PKNOX2: variants seen among roughly 807,000 people sequenced by gnomAD.
The protein encoded by PKNOX2 is homeobox protein PKNOX2.
A neutral mutation model predicts 53.1 loss-of-function variants in PKNOX2; 14 were observed. That is an observed-to-expected ratio of 0.26 (90% CI 0.17 to 0.41). The LOEUF is 0.41. Ranked by LOEUF, PKNOX2 falls within the 10% of genes least tolerant of loss-of-function variation. The pLI is 1.00. For synonymous variants in PKNOX2, 257 were observed against 242.8 expected (o/e 1.06, Z -0.54); for missense variants, 496 against 602.8 (o/e 0.82, Z 1.85).
At chr11:125,312,020 A>C (rs541091137) in intron 2 of PKNOX2, among the ~76,000 whole-genome samples, 2 of 152,178 alleles carry the variant, frequency 1.3e-5, no homozygotes, top group East Asian at 3.9e-4. Context: ...AAGAAAAAAA[A>C]GTCTGAATTT....
At chr11:125,302,297 A>T (rs958406354) in intron 2 of PKNOX2, among the ~76,000 whole-genome samples, 3 of 152,222 alleles carry the variant, frequency 2.0e-5, no homozygotes, top group African/African-American at 4.8e-5. Flanking sequence ...TGGAGAGGAC[A>T]GGAGCTTCCT....
intron 2 of PKNOX2, among the ~76,000 whole-genome samples, chr11:125,280,253 G>A (rs188444859): frequency 6.6e-5 from 10 of 152,074 alleles, no homozygotes; most frequent in Non-Finnish European, 1.2e-4. Context: ...TTTAAACTCC[G>A]GCTTTGATAT....
intron 2 of PKNOX2, among the ~76,000 whole-genome samples, chr11:125,298,344 A>G (rs1333759847): frequency 1.3e-5 from 2 of 152,178 alleles, no homozygotes; most frequent in Admixed American, 6.5e-5. Context: ...CCAGGGATAG[A>G]GGCCCACACA....
chr11:125,312,368 G>T (rs1292816423), intron 2 of PKNOX2, among the ~76,000 whole-genome samples: 1 of 152,176 alleles, frequency 6.6e-6, no homozygotes, highest in Non-Finnish European at 1.5e-5. Flanking sequence ...GAGTGTGGAG[G>T]CCACAGATCC....
intron 2 of PKNOX2, among the ~76,000 whole-genome samples, chr11:125,249,066 AAC>A (rs1174386698): frequency 9.1e-6 from 1 of 109,708 alleles, no homozygotes; most frequent in African/African-American, 3.4e-5. Context: ...TAATATATAT[AAC>A]ACATATATAC....
chr11:125,258,783 G>A (rs1843856848), intron 2 of PKNOX2: 1 of 266,906 alleles, frequency 3.7e-6, no homozygotes, highest in Non-Finnish European at 7.9e-6. Context: ...GAGGGTGGAT[G>A]ACTGGCAGGG....
intron 10 of PKNOX2, among the ~76,000 whole-genome samples, chr11:125,415,442 G>C (rs932820963): frequency 3.3e-5 from 5 of 151,878 alleles, no homozygotes; most frequent in Admixed American, 2.0e-4. Context: ...GTAGAGGTGG[G>C]GTTTTACCAT....
intron 1 of PKNOX2, among the ~76,000 whole-genome samples, chr11:125,183,903 T>C (rs1956304820): frequency 6.6e-6 from 1 of 152,170 alleles, no homozygotes. Flanking sequence ...AATGGGCTAT[T>C]ACTCTGAGCA....
At chr11:125,247,889 C>T (rs1232525455) in intron 2 of PKNOX2, among the ~76,000 whole-genome samples, 3 of 152,128 alleles carry the variant, frequency 2.0e-5, no homozygotes, top group Non-Finnish European at 2.9e-5. Context: ...TCCACATGGC[C>T]GAATTCTTCC....
intron 3 of PKNOX2, among the ~76,000 whole-genome samples, chr11:125,343,141 G>A (rs896050705): frequency 6.6e-6 from 1 of 152,138 alleles, no homozygotes; most frequent in African/African-American, 2.4e-5. Context: ...TAGGGGGAGG[G>A]GCTCCTGGAA....
In PKNOX2 at chr11:125,166,031, G is replaced by T. The variant is rs879885066; in HGVS notation, c.-201+1255G>T. Among the ~76,000 whole-genome samples, 1 of 152,130 alleles carries T rather than the reference G, an allele frequency of 6.6e-6. No homozygotes were observed. ...TGGGAATTGAGGGGTAGGGGCTTGT[G>T]GATCGGCCTGAATTAGGGCTGGGTT... is the stretch of plus-strand genomic sequence containing the variant. On this transcript the variant is annotated intron_variant, in intron 1 of 12. Coordinates refer to ENST00000298282, the MANE Select transcript of PKNOX2 (RefSeq NM_001382323.2). The surrounding 1 kb of genome is among the most constrained non-coding windows in gnomAD (Gnocchi z 4.0).
intron 1 of PKNOX2, among the ~76,000 whole-genome samples, chr11:125,219,262 T>G (rs1940878297): frequency 1.3e-5 from 2 of 150,570 alleles, no homozygotes; most frequent in South Asian, 4.2e-4. Context: ...GGTGAAACCC[T>G]GTCTTTACTA....
In PKNOX2 at chr11:125,401,766, A is replaced by AGTGTGTGTGT. The variant is rs370503272; in HGVS notation, c.588+3719_588+3728dup. 5.8e-3 allele frequency among the ~76,000 whole-genome samples: 871 copies of AGTGTGTGTGT among 149,302 alleles called. 11 individuals carry two copies. Among genetic ancestry groups the AGTGTGTGTGT allele is most frequent in the African/African-American group, 0.02 (809 of 40,780 alleles). ...ATGAGAGAGAGAAAAGGAGCTTGTG[A>AGTGTGTGTGT]GTGTGTGTGTGTGTGTGTGTGTGTA... On this transcript the variant is annotated intron_variant, in intron 7 of 12. Coordinates refer to ENST00000298282, the MANE Select transcript of PKNOX2 (RefSeq NM_001382323.2).
intron 1 of PKNOX2, among the ~76,000 whole-genome samples, chr11:125,169,875 C>T (rs2135183894): frequency 6.6e-6 from 1 of 152,288 alleles, no homozygotes; most frequent in East Asian, 1.9e-4. Flanking sequence ...GCTGTGACTC[C>T]AAAAACCATC....
intron 2 of PKNOX2, among the ~76,000 whole-genome samples, chr11:125,284,379 C>T (rs1946767030): frequency 6.6e-6 from 1 of 152,180 alleles, no homozygotes; most frequent in African/African-American, 2.4e-5. Context: ...GCCCGCTGCT[C>T]CTCAAGGGTG....
chr11:125,294,642 G>T (rs922871883), intron 2 of PKNOX2, among the ~76,000 whole-genome samples: 1 of 152,182 alleles, frequency 6.6e-6, no homozygotes, highest in African/African-American at 2.4e-5. Context: ...AGATGGAAAA[G>T]GTGTGGGCTT....
chr11:125,373,399 T>G (rs1449749064), intron 5 of PKNOX2, among the ~76,000 whole-genome samples: 1 of 152,228 alleles, frequency 6.6e-6, no homozygotes, highest in Non-Finnish European at 1.5e-5. Flanking sequence ...ACAGCCTGGT[T>G]CACACTCTAG....
intron 2 of PKNOX2, among the ~76,000 whole-genome samples, chr11:125,244,993 C>A (rs1943448397): frequency 6.6e-6 from 1 of 152,134 alleles, no homozygotes; most frequent in African/African-American, 2.4e-5. Flanking sequence ...CACTCCCCAC[C>A]TGGGACCATG....
chr11:125,281,368 G>C (rs1017431149), intron 2 of PKNOX2, among the ~76,000 whole-genome samples: 1 of 152,208 alleles, frequency 6.6e-6, no homozygotes, highest in Non-Finnish European at 1.5e-5. Context: ...TCTGTCCTCA[G>C]ATCCCCAGAC....
Sources: allele counts gnomAD v4.1 joint callset (sites outside exome capture counted in the v4.1 genomes callset), GRCh38; gene constraint gnomAD v4.1.1; non-coding constraint Gnocchi (gnomAD v3.1); transcripts MANE v1.5; gene names NCBI Gene and HGNC (gene_info 2026-07-23, HGNC 2026-07-21).